Variants in IL20RB observed in about 807,000 individuals in gnomAD.
IL20RB encodes interleukin-20 receptor subunit beta.
Under a neutral mutation model 33.3 loss-of-function variants are expected in IL20RB, and 21 were observed. The observed-to-expected ratio is 0.63, with a 90% confidence interval of 0.45 to 0.91. The LOEUF is 0.91. Ranked by LOEUF, IL20RB falls within the 40% of genes least tolerant of loss-of-function variation. The pLI is 0.00. For missense variants in IL20RB, 345 were observed against 384.8 expected, an observed-to-expected ratio of 0.90 and a Z score of 0.86; for synonymous variants, 147 against 146.8, an observed-to-expected ratio of 1.00 and a Z score of -0.01.
intron 1 of IL20RB, among the ~76,000 whole-genome samples, chr3:136,963,814 G>C (rs1325062823): frequency 3.1e-5 from 3 of 98,064 alleles, no homozygotes; most frequent in Non-Finnish European, 6.0e-5. Context: ...TCTAGCATTA[G>C]GTATATCTCC....
At chr3:136,986,915 G>T (rs1477464593) in intron 3 of IL20RB, 1 of 378,192 alleles carries the variant, frequency 2.6e-6, no homozygotes, top group Non-Finnish European at 5.2e-6. Flanking sequence ...AGATCTTCAC[G>T]GTGAGTGTTA....
intron 6 of IL20RB, among the ~76,000 whole-genome samples, chr3:136,996,169 C>T (rs1043837845): frequency 6.6e-6 from 1 of 152,046 alleles, no homozygotes; most frequent in Non-Finnish European, 1.5e-5. Flanking sequence ...GGGCCCTGGA[C>T]CACAGGTCTG....
In IL20RB at chr3:136,958,271, TC is replaced by T. The variant is rs1245408581; in HGVS notation, c.88+73del. The T allele has an allele frequency of 1.1e-5, 10 of 897,216 alleles. No individual in the cohort carries two copies. In the East Asian group the frequency reaches 2.2e-4, roughly 19 times the overall value. The allele number at this position is 897,216 out of a possible 1,614,324, so 55.6% of individuals were successfully genotyped here. On this transcript the variant is annotated intron_variant, in intron 1 of 6. Coordinates refer to ENST00000329582, the MANE Select transcript of IL20RB (RefSeq NM_144717.4). The stretch of plus-strand genomic sequence containing the variant: ...TAGGTTAAGAAGGCAAAAAATACTT[TC>T]CCAGGGCCTGGGGTTGAAATATGTG...
intron 5 of IL20RB, among the ~76,000 whole-genome samples, chr3:136,993,588 C>T (rs1025512644): frequency 2.6e-5 from 4 of 152,106 alleles, no homozygotes; most frequent in Admixed American, 2.0e-4. Context: ...ACCCCATGAC[C>T]GGCCCCAGTG....
intron 6 of IL20RB, among the ~76,000 whole-genome samples, chr3:136,998,398 C>A (rs1235654895): frequency 6.6e-6 from 1 of 150,974 alleles, no homozygotes; most frequent in Admixed American, 6.6e-5. Context: ...TTAAAATAAT[C>A]TTTTATATTT....
At chr3:136,959,531 A>C (rs1941158963) in intron 1 of IL20RB, 1 of 152,266 alleles carries the variant, frequency 6.6e-6, no homozygotes, top group African/African-American at 2.4e-5. Context: ...AAATGTTGCC[A>C]AGAAAACATC....
At chr3:136,997,206 C>A (rs549764072) in intron 6 of IL20RB, among the ~76,000 whole-genome samples, 2 of 152,060 alleles carry the variant, frequency 1.3e-5, no homozygotes, top group East Asian at 3.9e-4. Context: ...TCAAGCAATT[C>A]TCCTGCCTCC....
At position 137,010,628 on chromosome 3, in the gene IL20RB, A is replaced by G. The variant is rs1170921198; in HGVS notation, c.*405A>G. The G allele has an allele frequency of 6.3e-6, 1 of 158,330 alleles. No individual in the cohort carries two copies. The highest frequency in any genetic ancestry group is 1.4e-5 in the Non-Finnish European group (1 of 72,074). The allele number at this position is 158,330 out of a possible 1,614,324, so 9.8% of individuals were successfully genotyped here. On this transcript the variant is annotated 3_prime_UTR_variant, in exon 7 of 7. Coordinates refer to ENST00000329582, the MANE Select transcript of IL20RB (RefSeq NM_144717.4). ...GCAAGGCTAGAGGGAAACTGGTGAC[A>G]CTCTACAGTCTGACTGATTCAGTGT...
chr3:136,985,864 C>T (rs1313258620), intron 3 of IL20RB, among the ~76,000 whole-genome samples: 1 of 152,070 alleles, frequency 6.6e-6, no homozygotes, highest in Non-Finnish European at 1.5e-5. Context: ...GGCTAAACAC[C>T]CCACACAAGG....
chr3:136,971,418 AC>A (rs1251648505), intron 1 of IL20RB, among the ~76,000 whole-genome samples: 1 of 152,208 alleles, frequency 6.6e-6, no homozygotes, highest in Non-Finnish European at 1.5e-5. Context: ...GGTGTGAGCC[AC>A]CGCGCCCGGC....
At chr3:136,996,090 G>T (rs1942121520) in intron 6 of IL20RB, among the ~76,000 whole-genome samples, 2 of 152,142 alleles carry the variant, frequency 1.3e-5, no homozygotes, top group South Asian at 4.1e-4. Context: ...GATAGTGACT[G>T]CCTGAGTTAG....
intron 1 of IL20RB, chr3:136,980,236 T>C (rs168635): frequency 0.43 from 221,801 of 510,618 alleles, 51,970 homozygotes; most frequent in East Asian, 0.67. Flanking sequence ...CAAAATTTAG[T>C]GTTAACATAA....
intron 6 of IL20RB, among the ~76,000 whole-genome samples, chr3:136,999,801 G>A (rs1942205347): frequency 6.6e-6 from 1 of 151,982 alleles, no homozygotes; most frequent in Non-Finnish European, 1.5e-5. Flanking sequence ...TTAAATTTCA[G>A]ATATTGTGTT....
At chr3:137,001,172 G>A (rs1183492738) in intron 6 of IL20RB, among the ~76,000 whole-genome samples, 1 of 152,186 alleles carries the variant, frequency 6.6e-6, no homozygotes, top group East Asian at 1.9e-4. Context: ...GTGACAGTAT[G>A]ACCAATTTCA....
chr3:136,987,681 G>T (rs1397197651), intron 3 of IL20RB, among the ~76,000 whole-genome samples: 11 of 152,202 alleles, frequency 7.2e-5, no homozygotes, highest in Admixed American at 7.2e-4. Context: ...GGAGCCCATG[G>T]AGGGGGTGGG....
At chr3:137,008,328 T>C (rs1372351258) in intron 6 of IL20RB, among the ~76,000 whole-genome samples, 1 of 151,960 alleles carries the variant, frequency 6.6e-6, no homozygotes, top group Non-Finnish European at 1.5e-5. Context: ...TGTAACTCAA[T>C]AGGGAGGGGG....
At chr3:136,960,626 C>T (rs1483625783) in intron 1 of IL20RB, among the ~76,000 whole-genome samples, 1 of 152,148 alleles carries the variant, frequency 6.6e-6, no homozygotes, top group Non-Finnish European at 1.5e-5. Flanking sequence ...TCACATGAAT[C>T]CTGCAAGTTA....
Position 137,010,393 on chromosome 3 carries a change from A to C in IL20RB, c.*170A>C. On this transcript the variant is annotated 3_prime_UTR_variant, in exon 7 of 7. Transcript: ENST00000329582. ...CCATCAGAGGCAGGGTGGTTTGTCT[A>C]ACAGAACACTGACTGAGGCTTAGGG... is the stretch of plus-strand genomic sequence containing the variant. 5.3e-6 allele frequency: 3 copies of C among 565,950 alleles called. No homozygotes were observed. The highest frequency in any genetic ancestry group is 9.6e-6 in the Non-Finnish European group (3 of 311,130). 35.1% of individuals were successfully genotyped at this position (565,950 alleles called of 1,614,324 possible). A position where few individuals can be genotyped will look rare whatever the true frequency, so the allele number is the denominator to read the frequency against.
At chr3:136,987,141 C>T (rs1452546585) in intron 3 of IL20RB, among the ~76,000 whole-genome samples, 6 of 151,826 alleles carry the variant, frequency 4.0e-5, no homozygotes, top group African/African-American at 1.2e-4. Flanking sequence ...GTTGCCACTG[C>T]TGGCTCGGGC....
Sources: allele counts gnomAD v4.1 joint callset (sites outside exome capture counted in the v4.1 genomes callset), GRCh38; gene constraint gnomAD v4.1.1; transcripts MANE v1.5; gene names NCBI Gene and HGNC (gene_info 2026-07-23, HGNC 2026-07-21).